The following VPS13C variants were observed in gnomAD, a reference collection of about 807,000 sequenced individuals.
VPS13C encodes intermembrane lipid transfer protein VPS13C.
In VPS13C, 358 loss-of-function variants were observed where a neutral mutation model predicts 456.8. That is an observed-to-expected ratio of 0.78 (90% CI 0.72 to 0.86). The LOEUF (loss-of-function observed/expected upper bound fraction) is 0.86, where lower values mean the gene tolerates loss of function less well. Among genes scored for constraint, VPS13C ranks in the 40% least tolerant of loss-of-function variants. VPS13C has a pLI of 0.00. For missense variants in VPS13C, 4,818 were observed against 4,385.4 expected, an observed-to-expected ratio of 1.10 and a Z score of -2.79; for synonymous variants, 1,578 against 1,486.7, an observed-to-expected ratio of 1.06 and a Z score of -1.41.
intron 32 of VPS13C, among the ~76,000 whole-genome samples, chr15:61,963,529 A>G (rs1014320856): frequency 6.6e-6 from 1 of 152,072 alleles, no homozygotes; most frequent in African/African-American, 2.4e-5. Context: ...CTTCACCTAA[A>G]ATCTAGACTG....
intron 3 of VPS13C, among the ~76,000 whole-genome samples, chr15:62,035,548 C>T (rs9920581): frequency 0.078 from 11,901 of 151,844 alleles, 983 homozygotes; most frequent in African/African-American, 0.21. Flanking sequence ...ATAATATCTG[C>T]ACAAGCTACC....
intron 49 of VPS13C, among the ~76,000 whole-genome samples, chr15:61,931,888 T>A (rs1350310182): frequency 6.6e-6 from 1 of 152,104 alleles, no homozygotes; most frequent in Non-Finnish European, 1.5e-5. Context: ...CCTCTAATAA[T>A]AAATATTTAA....
chr15:61,968,407 T>C (rs1056106300), intron 28 of VPS13C, among the ~76,000 whole-genome samples: 1 of 152,094 alleles, frequency 6.6e-6, no homozygotes, highest in South Asian at 2.1e-4. Flanking sequence ...TGGAAGGCTA[T>C]GCATAGGTTA....
chr15:62,021,212 T>A (rs1240158477), intron 8 of VPS13C, among the ~76,000 whole-genome samples: 2 of 151,832 alleles, frequency 1.3e-5, no homozygotes, highest in African/African-American at 4.8e-5. Flanking sequence ...TTATGGGTGA[T>A]GGAGACACTA....
At chr15:61,897,566 G>A (rs888667788) in intron 66 of VPS13C, among the ~76,000 whole-genome samples, 4 of 152,084 alleles carry the variant, frequency 2.6e-5, no homozygotes, top group African/African-American at 9.7e-5. Flanking sequence ...AGAGTAAAAA[G>A]AAATGAGCAA....
chr15:61,893,470 T>C (rs2042713540), intron 66 of VPS13C, among the ~76,000 whole-genome samples: 1 of 151,730 alleles, frequency 6.6e-6, no homozygotes, highest in African/African-American at 2.4e-5. Flanking sequence ...AGACACATCT[T>C]ACAAAAAATG....
At chr15:62,022,969 A>G (rs755506426) in intron 8 of VPS13C, among the ~76,000 whole-genome samples, 2 of 151,930 alleles carry the variant, frequency 1.3e-5, no homozygotes, top group African/African-American at 4.8e-5. Flanking sequence ...TGGGTGTTCA[A>G]TCCAACTCAG....
At chr15:62,014,186 T>C (rs2047145616) in intron 9 of VPS13C, among the ~76,000 whole-genome samples, 194 bp from the exon 10 acceptor site, 1 of 152,102 alleles carries the variant, frequency 6.6e-6, no homozygotes, top group Non-Finnish European at 1.5e-5. Context: ...ATTGACATGA[T>C]TCTAATTTGA....
At chr15:61,874,333 T>C (rs1351294343) in intron 77 of VPS13C, among the ~76,000 whole-genome samples, 3 of 151,990 alleles carry the variant, frequency 2.0e-5, no homozygotes, top group African/African-American at 4.8e-5. Flanking sequence ...GAGAGGGTCT[T>C]GAATGTTCCC....
rs8040042 is a variant in VPS13C, at chr15:62,060,121, C to G, written c.100+154G>C. Among the ~76,000 whole-genome samples the G allele has an allele frequency of 8.2e-3, 1,242 of 152,236 alleles. 12 individuals are homozygous for G. The highest frequency in any genetic ancestry group is 0.028 in the African/African-American group (1,181 of 41,536). ...TCGGGACTGGGACCCCGAGAATCCG[C>G]GGGCGGCAGAGGCTCCCGCATCTAG... On this transcript the variant is annotated intron_variant, in intron 1 of 84. Coordinates refer to ENST00000644861, the MANE Select transcript of VPS13C (RefSeq NM_020821.3).
chr15:62,011,980 T>C, intron 12 of VPS13C, 127 bp downstream of exon 12: 1 of 578,270 alleles, frequency 1.7e-6, no homozygotes, highest in South Asian at 2.0e-5. Context: ...ACATGTTGTA[T>C]CATAATAGTA....
At chr15:61,992,504 CAT>C (rs1349252340) in intron 16 of VPS13C, among the ~76,000 whole-genome samples, 1 of 152,010 alleles carries the variant, frequency 6.6e-6, no homozygotes, top group Non-Finnish European at 1.5e-5. Flanking sequence ...GAATCGGTAA[CAT>C]ATTGTAAGCC....
chr15:61,927,998 C>T (rs538366746), intron 51 of VPS13C, among the ~76,000 whole-genome samples: 1 of 143,640 alleles, frequency 7.0e-6, no homozygotes, highest in Non-Finnish European at 1.5e-5. Flanking sequence ...ACAATGAGAA[C>T]ACATGGACAC....
intron 81 of VPS13C, chr15:61,865,025 A>G (rs769267933): frequency 2.5e-5 from 25 of 984,656 alleles, no homozygotes; most frequent in Non-Finnish European, 3.0e-5. Flanking sequence ...TCACCATAAT[A>G]CACTTTAGAA....
intron 37 of VPS13C, among the ~76,000 whole-genome samples, chr15:61,956,975 G>T (rs909938251): frequency 1.3e-5 from 2 of 152,016 alleles, no homozygotes; most frequent in African/African-American, 2.4e-5. Context: ...AAAAAAAAGT[G>T]TATATAACTA....
At chr15:61,899,091 C>T (rs1366462054) in intron 66 of VPS13C, among the ~76,000 whole-genome samples, 1 of 51,668 alleles carries the variant, frequency 1.9e-5, no homozygotes, top group South Asian at 7.2e-4. Context: ...ATCTCTGGGA[C>T]GCATTCAAAG....
intron 61 of VPS13C, among the ~76,000 whole-genome samples, chr15:61,913,919 G>T (rs905897794): frequency 6.6e-6 from 1 of 152,048 alleles, no homozygotes; most frequent in Non-Finnish European, 1.5e-5. Context: ...AAATACATAC[G>T]AAAAATTATG....
At chr15:61,984,109 C>G in intron 19 of VPS13C, 97 bp from the exon 20 acceptor site, 1 of 1,082,296 alleles carries the variant, frequency 9.2e-7, no homozygotes, top group Non-Finnish European at 1.3e-6. Flanking sequence ...TCTTTGAGAA[C>G]CAGGACCATC....
chr15:62,003,543 C>A (rs1596462092), intron 15 of VPS13C, among the ~76,000 whole-genome samples: 2 of 152,260 alleles, frequency 1.3e-5, no homozygotes, highest in East Asian at 3.9e-4. Flanking sequence ...CTGGCCAGAA[C>A]TTCCAACACT....
Sources: allele counts gnomAD v4.1 joint callset (sites outside exome capture counted in the v4.1 genomes callset), GRCh38; gene constraint gnomAD v4.1.1; transcripts MANE v1.5; gene names NCBI Gene and HGNC (gene_info 2026-07-23, HGNC 2026-07-21).